Variants in CNTN5 observed in about 807,000 individuals in gnomAD.
CNTN5 encodes contactin-5.
A neutral mutation model predicts 129.1 loss-of-function variants in CNTN5; 77 were observed. That is an observed-to-expected ratio of 0.60 (90% CI 0.50 to 0.72). The LOEUF (loss-of-function observed/expected upper bound fraction) is 0.72, where lower values mean the gene tolerates loss of function less well. Ranked by LOEUF, CNTN5 falls within the 30% of genes least tolerant of loss-of-function variation. CNTN5 has a pLI of 0.00. For missense variants in CNTN5, 1,478 were observed against 1,328.8 expected, an observed-to-expected ratio of 1.11 and a Z score of -1.75; for synonymous variants, 509 against 465.6, an observed-to-expected ratio of 1.09 and a Z score of -1.20.
At chr11:99,670,630 C>T (rs1952994297) in intron 3 of CNTN5, among the ~76,000 whole-genome samples, 1 of 152,184 alleles carries the variant, frequency 6.6e-6, no homozygotes, top group Non-Finnish European at 1.5e-5. Flanking sequence ...GTGATGTTCA[C>T]CATTTTCTCT....
chr11:99,943,633 C>T (rs1016329351), intron 7 of CNTN5, among the ~76,000 whole-genome samples: 1 of 150,444 alleles, frequency 6.6e-6, no homozygotes, highest in Non-Finnish European at 1.5e-5. Flanking sequence ...AATGATATTG[C>T]CTAGGTTTTC....
intron 7 of CNTN5, among the ~76,000 whole-genome samples, chr11:99,925,414 G>C (rs1248807270): frequency 6.6e-6 from 1 of 152,162 alleles, no homozygotes; most frequent in Non-Finnish European, 1.5e-5. Flanking sequence ...AGCAAACATA[G>C]TGTATAATGC....
At chr11:99,271,267 A>G (rs1333627476) in intron 1 of CNTN5, among the ~76,000 whole-genome samples, 1 of 151,832 alleles carries the variant, frequency 6.6e-6, no homozygotes, top group Non-Finnish European at 1.5e-5. Context: ...TTTTTATTTA[A>G]CTACTTCTTT....
chr11:99,220,334 A>C (rs1860337172), intron 1 of CNTN5, among the ~76,000 whole-genome samples: 1 of 151,950 alleles, frequency 6.6e-6, no homozygotes, highest in Non-Finnish European at 1.5e-5. Context: ...AAAAACACTG[A>C]CTTTTCTTTT....
At chr11:100,217,562 A>G (rs1309219104) in intron 15 of CNTN5, among the ~76,000 whole-genome samples, 1 of 152,216 alleles carries the variant, frequency 6.6e-6, no homozygotes, top group Non-Finnish European at 1.5e-5. Context: ...ATAAATGTAC[A>G]ATTTTTTTCT....
At chr11:100,232,796 C>T (rs1307914779) in intron 16 of CNTN5, among the ~76,000 whole-genome samples, 1 of 152,026 alleles carries the variant, frequency 6.6e-6, no homozygotes, top group Non-Finnish European at 1.5e-5. Context: ...GTGCTGTTAC[C>T]CATGTATGAG....
intron 1 of CNTN5, among the ~76,000 whole-genome samples, chr11:99,172,044 C>A (rs959998943): frequency 6.6e-5 from 10 of 152,080 alleles, no homozygotes; most frequent in African/African-American, 2.4e-4. Flanking sequence ...TTCATGTCAG[C>A]AAATACAAAA....
intron 1 of CNTN5, among the ~76,000 whole-genome samples, chr11:99,150,366 G>A (rs1859994702): frequency 6.6e-6 from 1 of 151,794 alleles, no homozygotes; most frequent in Non-Finnish European, 1.5e-5. Context: ...TTTATCTAAG[G>A]AACATGCAAA....
chr11:99,839,772 A>G (rs1297673032), intron 4 of CNTN5, among the ~76,000 whole-genome samples: 1 of 152,142 alleles, frequency 6.6e-6, no homozygotes, highest in Admixed American at 6.6e-5. Flanking sequence ...TAGTAGTAAT[A>G]TATTTGCACC....
At chr11:99,472,352 C>G (rs7925372) in intron 2 of CNTN5, among the ~76,000 whole-genome samples, 30,062 of 151,962 alleles carry the variant, frequency 0.2, 3,116 homozygotes, top group Admixed American at 0.24. Flanking sequence ...TCCTTTATCT[C>G]ATCTTTGTAC....
chr11:99,362,757 C>G (rs926664537), intron 2 of CNTN5, among the ~76,000 whole-genome samples: 9 of 151,404 alleles, frequency 5.9e-5, no homozygotes, highest in Non-Finnish European at 1.0e-4. Flanking sequence ...CAATTTTTTT[C>G]AAAACCATTT....
intron 2 of CNTN5, among the ~76,000 whole-genome samples, chr11:99,477,203 G>A (rs971752821): frequency 6.6e-6 from 1 of 151,768 alleles, no homozygotes; most frequent in African/African-American, 2.4e-5. Flanking sequence ...TAGTTGTTTT[G>A]TTTAGGAAAA....
chr11:99,530,805 A>G (rs1947673043), intron 2 of CNTN5, among the ~76,000 whole-genome samples: 1 of 152,174 alleles, frequency 6.6e-6, no homozygotes, highest in South Asian at 2.1e-4. Flanking sequence ...TTACTGCCAC[A>G]GTGTAAGAAG....
intron 1 of CNTN5, among the ~76,000 whole-genome samples, chr11:99,062,647 G>A (rs1447621731): frequency 1.3e-5 from 2 of 148,710 alleles, no homozygotes. Context: ...AACACTATCA[G>A]TCTACCCTGC....
At chr11:100,182,590 A>T (rs1701317884) in intron 13 of CNTN5, among the ~76,000 whole-genome samples, 1 of 152,122 alleles carries the variant, frequency 6.6e-6, no homozygotes. Context: ...GCAACTGAGT[A>T]ACCATTTGCA....
intron 21 of CNTN5, among the ~76,000 whole-genome samples, chr11:100,320,387 G>A (rs191889871): frequency 4.0e-5 from 6 of 151,880 alleles, no homozygotes; most frequent in East Asian, 3.9e-4. Flanking sequence ...TTTTTTAATC[G>A]GTTAATTTGT....
chr11:99,906,435 G>C (rs886739146), intron 6 of CNTN5, among the ~76,000 whole-genome samples: 1 of 152,138 alleles, frequency 6.6e-6, no homozygotes, highest in African/African-American at 2.4e-5. Flanking sequence ...TTATGTGATG[G>C]ATTATGTTTA....
intron 7 of CNTN5, among the ~76,000 whole-genome samples, chr11:99,951,876 G>C (rs1389551148): frequency 1.3e-5 from 2 of 152,020 alleles, no homozygotes; most frequent in Non-Finnish European, 2.9e-5. Flanking sequence ...ATCCACTCTT[G>C]TTCTTAAAAT....
intron 6 of CNTN5, among the ~76,000 whole-genome samples, chr11:99,847,113 T>G (rs1008125374): frequency 3.3e-5 from 5 of 152,246 alleles, no homozygotes; most frequent in Admixed American, 3.3e-4. Context: ...ACCTTACAGT[T>G]TGGTCTACAG....
Sources: allele counts gnomAD v4.1 joint callset (sites outside exome capture counted in the v4.1 genomes callset), GRCh38; gene constraint gnomAD v4.1.1; transcripts MANE v1.5; gene names NCBI Gene and HGNC (gene_info 2026-07-23, HGNC 2026-07-21).